Variants in MID1 observed in about 807,000 individuals in gnomAD.
MID1 encodes the protein midline 1, also known as E3 ubiquitin-protein ligase Midline-1.
In MID1, 7 loss-of-function variants were observed where a neutral mutation model predicts 40.4. That is an observed-to-expected ratio of 0.17 (90% confidence interval 0.10 to 0.33). The LOEUF (loss-of-function observed/expected upper bound fraction) is 0.33. Ranked by LOEUF, MID1 falls within the 10% of genes least tolerant of loss-of-function variation. The pLI, the probability that MID1 is intolerant of heterozygous loss-of-function variation, is 1.00. For synonymous variants in MID1, 229 were observed against 221.2 expected (o/e 1.04, Z -0.31); for missense variants, 367 against 558.5 (o/e 0.66, Z 3.46).
intron 2 of MID1, among the ~76,000 whole-genome samples, chrX:10,557,179 C>T (rs1421893589): frequency 9.0e-6 from 1 of 111,467 alleles, no homozygotes; most frequent in Non-Finnish European, 1.9e-5. Context: ...TACACTGGCT[C>T]AGCTATAGAA....
chrX:10,683,302 T>G (rs971761407), intron 1 of MID1, among the ~76,000 whole-genome samples: 1 of 111,557 alleles, frequency 9.0e-6, no homozygotes, highest in Admixed American at 9.6e-5. Context: ...TCCCAGCACT[T>G]TGGGAGGCTA....
intron 1 of MID1, among the ~76,000 whole-genome samples, chrX:10,672,642 C>T (rs1298294356): frequency 9.0e-6 from 1 of 111,514 alleles, no homozygotes; most frequent in African/African-American, 3.3e-5. Context: ...CTGCTGATAC[C>T]TTGATTTTAG....
chrX:10,697,995 A>G (rs973740113), intron 1 of MID1, among the ~76,000 whole-genome samples: 2 of 112,751 alleles, frequency 1.8e-5, no homozygotes, highest in Non-Finnish European at 3.7e-5. Flanking sequence ...GAAATATAGT[A>G]TGTAGAGAGG....
At chrX:10,514,786 T>G (rs1402996732) in intron 3 of MID1, among the ~76,000 whole-genome samples, 4 of 111,797 alleles carry the variant, frequency 3.6e-5, no homozygotes, top group African/African-American at 1.3e-4. Context: ...TAATCCAGTT[T>G]CTGAAAGCCA....
chrX:10,765,752 G>T (rs1307867356), intron 1 of MID1, among the ~76,000 whole-genome samples: 1 of 110,320 alleles, frequency 9.1e-6, no homozygotes, highest in Non-Finnish European at 1.9e-5. Context: ...AATACCATAT[G>T]AAAATAAACG....
intron 2 of MID1, among the ~76,000 whole-genome samples, chrX:10,552,253 T>C (rs1210910205): frequency 9.0e-6 from 1 of 110,847 alleles, no homozygotes; most frequent in East Asian, 2.8e-4. Context: ...GAGATTTGAG[T>C]TGATCCTTTA....
chrX:10,809,988 T>TTAAG (rs2147151837), intron 1 of MID1, among the ~76,000 whole-genome samples: 1 of 111,759 alleles, frequency 8.9e-6, no homozygotes, highest in South Asian at 3.7e-4. Flanking sequence ...ACTCTTTTTT[T>TTAAG]TAAGTATTTT....
chrX:10,751,372 G>A (rs1297201143), intron 1 of MID1, among the ~76,000 whole-genome samples: 1 of 111,724 alleles, frequency 9.0e-6, no homozygotes, highest in Non-Finnish European at 1.9e-5. Context: ...AGGCATGGTG[G>A]CTCATGCCTG....
chrX:10,806,785 C>T (rs1484599483), intron 1 of MID1, among the ~76,000 whole-genome samples: 3 of 111,889 alleles, frequency 2.7e-5, no homozygotes, highest in Non-Finnish European at 5.6e-5. Context: ...TAACTACGAA[C>T]ATTACTACAG....
chrX:10,517,187 C>T (rs1226118499), intron 3 of MID1, among the ~76,000 whole-genome samples: 2 of 111,351 alleles, frequency 1.8e-5, no homozygotes, highest in Admixed American at 1.9e-4. Context: ...TTAGGAGGTG[C>T]CTCTGTGCTG....
upstream of MID1, among the ~76,000 whole-genome samples, chrX:10,621,740 T>C (rs1935936649): frequency 9.1e-6 from 1 of 109,973 alleles, no homozygotes; most frequent in Admixed American, 9.8e-5. Flanking sequence ...GCTAGCCCCC[T>C]GCCTGAGTAG....
intron 1 of MID1, among the ~76,000 whole-genome samples, chrX:10,697,370 C>G (rs2043168574): frequency 9.0e-6 from 1 of 111,309 alleles, no homozygotes. Context: ...TTAGTCCAAA[C>G]AAAACCAAAA....
rs1400704912 is a variant in MID1, at chrX:10,620,497, CAA to C, written c.-266_-265del. ...ACACGCACTCTGCTCGAGACAATGT[CAA>C]GTTTCTCAACCTTTTCTCCCCCAGC... is the stretch of plus-strand genomic sequence containing the variant. On this transcript the variant is annotated 5_prime_UTR_variant, in exon 1 of 10. Coordinates refer to ENST00000317552, the MANE Select transcript of MID1 (RefSeq NM_000381.4). 8.9e-6 allele frequency: 1 copy of C among 112,773 alleles called. No individual in the cohort carries two copies. The highest frequency in any genetic ancestry group is 1.9e-5 in the Non-Finnish European group (1 of 53,309). The allele number at this position is 112,773 out of a possible 1,213,427, so 9.3% of individuals were successfully genotyped here.
At chrX:10,796,074 T>C (rs2043964961) in intron 1 of MID1, among the ~76,000 whole-genome samples, 1 of 112,314 alleles carries the variant, frequency 8.9e-6, no homozygotes, top group Non-Finnish European at 1.9e-5. Flanking sequence ...AAGCAAGAAA[T>C]CTGCCATAAA....
intron 1 of MID1, among the ~76,000 whole-genome samples, chrX:10,809,180 C>A (rs959017723): frequency 8.9e-6 from 1 of 111,884 alleles, no homozygotes; most frequent in Admixed American, 9.4e-5. Flanking sequence ...TGAAAAAATG[C>A]TCATCATCAC....
At chrX:10,776,673 C>T (rs1261190632) in intron 1 of MID1, among the ~76,000 whole-genome samples, 1 of 111,161 alleles carries the variant, frequency 9.0e-6, no homozygotes, top group African/African-American at 3.3e-5. Flanking sequence ...CAAGACCAGC[C>T]TGGGCAACAT....
chrX:10,609,806 C>T (rs1459997484), intron 1 of MID1, among the ~76,000 whole-genome samples: 1 of 106,532 alleles, frequency 9.4e-6, no homozygotes, highest in Non-Finnish European at 1.9e-5. Context: ...CAAGCTCCGC[C>T]TCGCGGGTTC....
chrX:10,710,467 G>C (rs1196805064), intron 1 of MID1, among the ~76,000 whole-genome samples: 1 of 110,504 alleles, frequency 9.0e-6, no homozygotes, highest in African/African-American at 3.3e-5. Context: ...TAATCAATAA[G>C]TTACATAAAT....
At chrX:10,674,307 T>C (rs1415193480) in intron 1 of MID1, among the ~76,000 whole-genome samples, 2 of 111,320 alleles carry the variant, frequency 1.8e-5, no homozygotes, top group African/African-American at 6.5e-5. Context: ...GAATTAAGAG[T>C]TTTTCGTTGT....
Sources: gnomAD v4.1 joint callset for allele counts (sites outside exome capture counted in the v4.1 genomes callset) on GRCh38, gnomAD v4.1.1 for gene constraint, MANE v1.5 for transcripts, NCBI Gene and HGNC (gene_info 2026-07-23, HGNC 2026-07-21) for gene names.